Variants in TGFBR3 observed in about 807,000 individuals in gnomAD.
TGFBR3 encodes the protein transforming growth factor beta receptor 3.
A neutral mutation model predicts 87.9 loss-of-function variants in TGFBR3; 46 were observed. That is an observed-to-expected ratio of 0.52 (90% confidence interval 0.41 to 0.67). The LOEUF (loss-of-function observed/expected upper bound fraction) is 0.67, where lower values mean the gene tolerates loss of function less well. Ranked by LOEUF, TGFBR3 falls within the 30% of genes least tolerant of loss-of-function variation. The pLI, the probability that TGFBR3 is intolerant of heterozygous loss-of-function variation, is 0.00. For missense variants in TGFBR3, 866 were observed against 1,041.9 expected (o/e 0.83, Z 2.32); for synonymous variants, 381 against 391.6 (o/e 0.97, Z 0.32).
intron 4 of TGFBR3, among the ~76,000 whole-genome samples, chr1:91,746,728 GT>G (rs911347542): frequency 5.5e-5 from 8 of 144,676 alleles, no homozygotes; most frequent in African/African-American, 1.3e-4. Context: ...TCTTTATAGA[GT>G]TTTTTTTTTC....
rs115964980 is a variant in TGFBR3, at chr1:91,813,101, T to C, written c.62-15630A>G. Among the ~76,000 whole-genome samples, 1,315 of 152,282 alleles carry C rather than the reference T, an allele frequency of 8.6e-3. 18 individuals carry two copies. Among genetic ancestry groups the C allele is most frequent in the African/African-American group, 0.029 (1,194 of 41,558 alleles). ...CAACCCATCCACAGAGTAACCTATA[T>C]GGACTTTTGATGGCTATTTTCCTTG... is the stretch of plus-strand genomic sequence containing the variant. On this transcript the variant is annotated intron_variant, in intron 2 of 16. Coordinates refer to ENST00000212355, the MANE Select transcript of TGFBR3 (RefSeq NM_003243.5).
At chr1:91,858,505 C>G (rs972230000) in intron 2 of TGFBR3, among the ~76,000 whole-genome samples, 1 of 149,134 alleles carries the variant, frequency 6.7e-6, no homozygotes, top group Admixed American at 6.8e-5. Context: ...CTCCCATCTA[C>G]TCGGGAGGTT....
At chr1:91,730,042 G>C in intron 5 of TGFBR3, 69 bp from the exon 6 acceptor site, 1 of 1,582,542 alleles carries the variant, frequency 6.3e-7, no homozygotes, top group East Asian at 2.2e-5. Context: ...AGGAAGGAGG[G>C]TGACAGTGAA....
At chr1:91,846,778 T>G (rs1261386911) in intron 2 of TGFBR3, among the ~76,000 whole-genome samples, 1 of 152,174 alleles carries the variant, frequency 6.6e-6, no homozygotes, top group Non-Finnish European at 1.5e-5. Flanking sequence ...CAAAGAGTCC[T>G]TGCATAATCC....
At chr1:91,862,901 TG>T (rs1416115225) in intron 1 of TGFBR3, among the ~76,000 whole-genome samples, 3 of 152,188 alleles carry the variant, frequency 2.0e-5, no homozygotes, top group Non-Finnish European at 4.4e-5. Flanking sequence ...CAACAGGAGT[TG>T]CCCATAGCTA....
chr1:91,840,496 A>ATCATGCATGATTTTGTAG (rs1453758356), intron 2 of TGFBR3, among the ~76,000 whole-genome samples: 1 of 143,402 alleles, frequency 7.0e-6, no homozygotes, highest in African/African-American at 2.6e-5. Flanking sequence ...TGATTTTGTA[A>ATCATGCATGATTTTGTAG]TATCATGCAT....
intron 3 of TGFBR3, among the ~76,000 whole-genome samples, chr1:91,766,132 C>G (rs1674172367): frequency 6.6e-6 from 1 of 151,920 alleles, no homozygotes; most frequent in Non-Finnish European, 1.5e-5. Context: ...AAGTAATCTC[C>G]TGTCTTGGCC....
chr1:91,887,671 T>C (rs546596333), upstream of TGFBR3, among the ~76,000 whole-genome samples: 3 of 152,332 alleles, frequency 2.0e-5, no homozygotes, highest in Admixed American at 1.3e-4. Context: ...GTCCTCTTCC[T>C]CTTGTACCTA....
At chr1:91,714,646 T>C (rs954675118) in intron 12 of TGFBR3, among the ~76,000 whole-genome samples, 3 of 152,112 alleles carry the variant, frequency 2.0e-5, no homozygotes, top group African/African-American at 4.8e-5. Flanking sequence ...AGGAGGAAGA[T>C]TGACCACTGA....
At chr1:91,803,356 G>C (rs1179987522) in intron 2 of TGFBR3, among the ~76,000 whole-genome samples, 1 of 152,190 alleles carries the variant, frequency 6.6e-6, no homozygotes, top group African/African-American at 2.4e-5. Context: ...CTGTATGAAG[G>C]GAAGGAGGTC....
intron 16 of TGFBR3, among the ~76,000 whole-genome samples, chr1:91,693,865 C>A (rs969729303): frequency 7.9e-5 from 12 of 152,266 alleles, no homozygotes; most frequent in African/African-American, 2.9e-4. Context: ...TGTCGGTATT[C>A]CTGCGACAAA....
intron 14 of TGFBR3, among the ~76,000 whole-genome samples, chr1:91,703,074 C>T (rs1571421571): frequency 6.6e-6 from 1 of 151,868 alleles, no homozygotes; most frequent in Non-Finnish European, 1.5e-5. Context: ...ATGTAAAATA[C>T]ACGATGTTAA....
chr1:91,862,452 A>C lies in TGFBR3; in HGVS notation c.-113-808T>G, dbSNP rs1229071275. Among the ~76,000 whole-genome samples, 3 of 152,248 alleles carry C rather than the reference A, an allele frequency of 2.0e-5. No homozygotes were observed. The East Asian group carries it at 5.8e-4, about 29-fold the overall frequency. On this transcript the variant is annotated intron_variant, in intron 1 of 16. Coordinates refer to ENST00000212355, the MANE Select transcript of TGFBR3 (RefSeq NM_003243.5). ...AGGTTCTTATTTCAACTGTTTGCCA[A>C]CATTTTAACAGGAAAAAAGTCTTCC...
intron 4 of TGFBR3, among the ~76,000 whole-genome samples, chr1:91,750,574 A>G (rs1673503058): frequency 6.6e-6 from 1 of 152,202 alleles, no homozygotes. Context: ...ATGGTACACA[A>G]CCACTTGGAA....
chr1:91,817,263 G>A (rs1247743400), intron 2 of TGFBR3, among the ~76,000 whole-genome samples: 1 of 151,914 alleles, frequency 6.6e-6, no homozygotes, highest in East Asian at 1.9e-4. Flanking sequence ...ACGTTCAAAC[G>A]GCATGGAAAC....
chr1:91,747,404 C>A (rs538316421), intron 4 of TGFBR3, among the ~76,000 whole-genome samples: 2 of 152,338 alleles, frequency 1.3e-5, no homozygotes, highest in East Asian at 3.9e-4. Context: ...TGCAGAGATT[C>A]TCCTGGTGGG....
chr1:91,810,146 C>T (rs1284382445), intron 2 of TGFBR3, among the ~76,000 whole-genome samples: 1 of 152,134 alleles, frequency 6.6e-6, no homozygotes, highest in Admixed American at 6.5e-5. Flanking sequence ...GCAACCTCTA[C>T]CTTCCAGGCT....
intron 2 of TGFBR3, among the ~76,000 whole-genome samples, chr1:91,800,251 TATATACACAC>T (rs1557717238): frequency 2.9e-4 from 40 of 136,880 alleles, no homozygotes; most frequent in Non-Finnish European, 2.8e-4. Context: ...AATATATATA[TATATACACAC>T]ACACACACAC....
chr1:91,695,090 T>G (rs1671384092), intron 16 of TGFBR3, among the ~76,000 whole-genome samples: 1 of 148,524 alleles, frequency 6.7e-6, no homozygotes, highest in Non-Finnish European at 1.5e-5. Context: ...AGCTTGAAAA[T>G]GAAGTGCTCT....
Sources: allele counts gnomAD v4.1 joint callset (sites outside exome capture counted in the v4.1 genomes callset), GRCh38; gene constraint gnomAD v4.1.1; transcripts MANE v1.5; gene names NCBI Gene and HGNC (gene_info 2026-07-23, HGNC 2026-07-21).